KLF12: variants seen among roughly 807,000 people sequenced by gnomAD.
KLF12 encodes the protein KLF transcription factor 12, also known as Krueppel-like factor 12.
A neutral mutation model predicts 37.8 loss-of-function variants in KLF12; 9 were observed. The ratio of observed to expected loss-of-function variants is 0.24; its 90% CI spans 0.14 to 0.42. The LOEUF is 0.42. Among genes scored for constraint, KLF12 ranks in the 10% least tolerant of loss-of-function variants. The pLI is 1.00. For missense variants in KLF12, 411 were observed against 516.0 expected, an observed-to-expected ratio of 0.80 and a Z score of 1.97; for synonymous variants, 208 against 202.1, an observed-to-expected ratio of 1.03 and a Z score of -0.25.
chr13:73,855,739 G>T (rs1372405836), intron 3 of KLF12, among the ~76,000 whole-genome samples: 1 of 151,978 alleles, frequency 6.6e-6, no homozygotes, highest in Non-Finnish European at 1.5e-5. Flanking sequence ...TTTCTCTGGG[G>T]GTCCCTCCAA....
At position 73,686,870 on chromosome 13, in the gene KLF12, A is replaced by C. The variant is rs1229548992; in HGVS notation, c.*8620T>G. The stretch of plus-strand genomic sequence containing the variant: ...TCCAATCACCACGTATAATGAGCTA[A>C]ACGTCAAGGAAAAGAAAAAAGATGC... On this transcript the variant is annotated 3_prime_UTR_variant, in exon 8 of 8. Coordinates refer to ENST00000377669, the MANE Select transcript of KLF12 (RefSeq NM_007249.5). 1 of 152,262 alleles carries C rather than the reference A, an allele frequency of 6.6e-6. No homozygotes were observed. The highest frequency in any genetic ancestry group is 1.5e-5 in the Non-Finnish European group (1 of 68,022). 9.4% of individuals were successfully genotyped at this position (152,262 alleles called of 1,614,324 possible).
At chr13:74,259,202 G>A in the KLF12 span, 1 of 152,178 alleles carries the variant, frequency 6.6e-6, no homozygotes, top group Non-Finnish European at 1.5e-5. Context: ...AGGGGATTTG[G>A]GCAGGGCACC....
chr13:73,752,730 A>ATT (rs71115614), intron 6 of KLF12, among the ~76,000 whole-genome samples: 2 of 119,716 alleles, frequency 1.7e-5, no homozygotes, highest in African/African-American at 8.7e-5. Context: ...CCACATATAT[A>ATT]TTTTTTTTTT....
At chr13:73,813,923 A>T (rs1883075969) in intron 4 of KLF12, among the ~76,000 whole-genome samples, 1 of 151,978 alleles carries the variant, frequency 6.6e-6, no homozygotes, top group Admixed American at 6.6e-5. Context: ...ATCCTGTTTT[A>T]CTTTTCCAGA....
chr13:74,093,609 A>G (rs557128744), intron 1 of KLF12, among the ~76,000 whole-genome samples: 1 of 152,256 alleles, frequency 6.6e-6, no homozygotes, highest in Admixed American at 6.5e-5. Context: ...TCAGACTAAA[A>G]GAATTTTTAA....
intron 5 of KLF12, among the ~76,000 whole-genome samples, chr13:73,799,212 G>A (rs935198104): frequency 7.2e-5 from 11 of 152,122 alleles, no homozygotes; most frequent in African/African-American, 2.7e-4. Flanking sequence ...AAAATGAAGA[G>A]AACTTACGAA....
chr13:74,153,895 G>A, the KLF12 span, among the ~76,000 whole-genome samples: 1 of 152,022 alleles, frequency 6.6e-6, no homozygotes, highest in Admixed American at 6.6e-5. Context: ...TGATGTTTTT[G>A]TTCTAGATTG....
At chr13:73,789,693 T>C (rs970945498) in intron 5 of KLF12, among the ~76,000 whole-genome samples, 1 of 150,736 alleles carries the variant, frequency 6.6e-6, no homozygotes, top group Non-Finnish European at 1.5e-5. Context: ...TTTTTTTTCT[T>C]TGAGACAGAG....
chr13:74,018,272 A>G (rs1263965363), intron 1 of KLF12, among the ~76,000 whole-genome samples: 1 of 152,160 alleles, frequency 6.6e-6, no homozygotes, highest in Non-Finnish European at 1.5e-5. Flanking sequence ...ATTTCATTAG[A>G]AGTAGAGAGC....
chr13:74,103,017 C>A (rs1876449023), intron 1 of KLF12, among the ~76,000 whole-genome samples: 1 of 152,188 alleles, frequency 6.6e-6, no homozygotes, highest in South Asian at 2.1e-4. Flanking sequence ...CAGTAACACA[C>A]TCTAAAGTAT....
intron 2 of KLF12, among the ~76,000 whole-genome samples, chr13:73,944,282 C>T (rs1890322691): frequency 6.6e-6 from 1 of 152,164 alleles, no homozygotes; most frequent in Non-Finnish European, 1.5e-5. Context: ...ATTAAGCAGT[C>T]TGATTCTCTG....
At chr13:74,251,790 A>G in the KLF12 span, among the ~76,000 whole-genome samples, 1 of 152,196 alleles carries the variant, frequency 6.6e-6, no homozygotes, top group East Asian at 1.9e-4. Flanking sequence ...TGGCTGTGAC[A>G]TGAGGGTTAA....
rs140443299 is a variant in KLF12, at chr13:73,963,042, G to A, written c.34-18972C>T. Among the ~76,000 whole-genome samples the A allele has an allele frequency of 3.2e-3, 481 of 152,100 alleles. 2 individuals carry two copies. Among genetic ancestry groups the A allele is most frequent in the African/African-American group, 0.011 (468 of 41,488 alleles). On this transcript the variant is annotated intron_variant, in intron 2 of 7. Coordinates refer to ENST00000377669, the MANE Select transcript of KLF12 (RefSeq NM_007249.5). ...TTTGTCAACACCAATAGAAGGGATTGGTTAATAATTTGAAATACCAGGCAA... is the reference window on the plus strand; with the variant it reads ...TTTGTCAACACCAATAGAAGGGATTAGTTAATAATTTGAAATACCAGGCAA...
chr13:74,262,687 G>A, the KLF12 span, among the ~76,000 whole-genome samples: 1 of 152,072 alleles, frequency 6.6e-6, no homozygotes, highest in Non-Finnish European at 1.5e-5. Flanking sequence ...ATCCACAGTT[G>A]GTTCAATCCC....
intron 1 of KLF12, among the ~76,000 whole-genome samples, chr13:74,075,689 T>C (rs976139849): frequency 1.3e-5 from 2 of 152,286 alleles, no homozygotes; most frequent in South Asian, 2.1e-4. Flanking sequence ...TCCCACAATA[T>C]AGGAAACTCA....
the KLF12 span, among the ~76,000 whole-genome samples, chr13:74,219,723 T>A: frequency 6.6e-6 from 1 of 152,250 alleles, no homozygotes; most frequent in African/African-American, 2.4e-5. Flanking sequence ...CTGCTGTGCA[T>A]AGAATTCACA....
chr13:73,841,097 T>A (rs891298668), intron 4 of KLF12, among the ~76,000 whole-genome samples: 1 of 152,218 alleles, frequency 6.6e-6, no homozygotes, highest in Non-Finnish European at 1.5e-5. Context: ...ACACATGAAC[T>A]GTCACTGCTA....
chr13:73,969,341 C>T (rs1891263867), intron 2 of KLF12, among the ~76,000 whole-genome samples: 1 of 152,148 alleles, frequency 6.6e-6, no homozygotes, highest in Non-Finnish European at 1.5e-5. Context: ...TCTACAATCC[C>T]CTACCATTTA....
the KLF12 span, among the ~76,000 whole-genome samples, chr13:74,242,749 G>A: frequency 1.3e-5 from 2 of 152,138 alleles, no homozygotes; most frequent in Non-Finnish European, 2.9e-5. Flanking sequence ...GGGGATACAA[G>A]GGGAAAGAAG....
Sources: allele counts gnomAD v4.1 joint callset (sites outside exome capture counted in the v4.1 genomes callset), GRCh38; gene constraint gnomAD v4.1.1; transcripts MANE v1.5; gene names NCBI Gene and HGNC (gene_info 2026-07-23, HGNC 2026-07-21).